TUBB8B: variants seen among roughly 807,000 people sequenced by gnomAD.
The protein encoded by TUBB8B is HSA18p11 beta-tubulin 4Q pseudogene.
Under a neutral mutation model 31.9 loss-of-function variants are expected in TUBB8B, and 26 were observed. That is an observed-to-expected ratio of 0.81 (90% CI 0.60 to 1.13). TUBB8B has a LOEUF of 1.13. Among genes scored for constraint, TUBB8B ranks in the 50% most tolerant of loss-of-function variants. The pLI, the probability that TUBB8B is intolerant of heterozygous loss-of-function variation, is 0.00. For synonymous variants in TUBB8B, 173 were observed against 231.0 expected, an observed-to-expected ratio of 0.75 and a Z score of 2.28; for missense variants, 467 against 586.7, an observed-to-expected ratio of 0.80 and a Z score of 2.11.
At chr18:57,121 T>C in the TUBB8B span, among the ~76,000 whole-genome samples, 1 of 151,808 alleles carries the variant, frequency 6.6e-6, no homozygotes, top group Non-Finnish European at 1.5e-5. Flanking sequence ...ACCTAAACTA[T>C]ATCATTTTGC....
At chr18:65,910 C>G in the TUBB8B span, among the ~76,000 whole-genome samples, 1 of 152,098 alleles carries the variant, frequency 6.6e-6, no homozygotes, top group Non-Finnish European at 1.5e-5. Flanking sequence ...ACACTAGCAA[C>G]AAACAACATG....
chr18:47,770 C>A lies in TUBB8B; in HGVS notation c.955G>T (p.Gly319Cys), dbSNP rs1905712733. Residue 319 changes from glycine to cysteine, a missense_variant, in exon 4 of 4, where the codon GGT (glycine) becomes TGT (cysteine). Physicochemically the swap from Gly to Cys is radical, Grantham distance 159. This residue lies in a region of TUBB8B where 208 missense variants were observed against 206.7 expected (regional missense o/e 1.01). Transcript: ENST00000308911. Reference protein sequence around the residue: ...CYLTVAAIFRGRMPMREVDEQ... With the variant: ...CYLTVAAIFRCRMPMREVDEQ... ...TCCACCTCCCTCATGGGCATGCGAC[C>A]CCTGAAAATGGCAGCCACCGTTAGG... 1 of 1,611,542 alleles carries A rather than the reference C, an allele frequency of 6.2e-7. No homozygotes were observed. Among genetic ancestry groups the A allele is most frequent in the Non-Finnish European group, 8.5e-7 (1 of 1,179,398 alleles).
intron 1 of TUBB8B, 118 bp downstream of exon 1, chr18:49,383 C>T (rs946389593): frequency 1.1e-5 from 9 of 798,272 alleles, no homozygotes; most frequent in African/African-American, 1.7e-5. Flanking sequence ...CCCGGTTCCA[C>T]CGTCCCCGGC....
upstream of TUBB8B, among the ~76,000 whole-genome samples, chr18:54,465 A>T (rs1293633289): frequency 2.6e-5 from 4 of 151,736 alleles, no homozygotes; most frequent in South Asian, 2.1e-4. Context: ...GTGCTATCAA[A>T]TACTGTCTTA....
chr18:49,916 C>G (rs1418259823), upstream of TUBB8B: 1 of 487,970 alleles, frequency 2.0e-6, no homozygotes, highest in Non-Finnish European at 4.0e-6. Context: ...TCCATATGCA[C>G]GGAGTGCCTT....
rs753017843 is a variant in TUBB8B at position 49,062 on chromosome 18, G to C, written c.167-12C>G. On this transcript the variant is annotated splice_polypyrimidine_tract_variant and intron_variant, in intron 2 of 3. Coordinates refer to ENST00000308911, the MANE Select transcript of TUBB8B (RefSeq NM_001358689.2). ...CACGTACCTGCCACCTGCGTGGGGC[G>C]GGAGGGCATGAGCGAGGGGAGGGCC... 6.3e-7 allele frequency: 1 copy of C among 1,577,338 alleles called. No homozygotes were observed. The highest frequency in any genetic ancestry group is 8.7e-7 in the Non-Finnish European group (1 of 1,150,862).
chr18:57,115 A>G, the TUBB8B span, among the ~76,000 whole-genome samples: 1 of 151,786 alleles, frequency 6.6e-6, no homozygotes, highest in Admixed American at 6.6e-5. Context: ...ACACACACCT[A>G]AACTATATCA....
At chr18:61,629 A>C in the TUBB8B span, among the ~76,000 whole-genome samples, 4 of 134,092 alleles carry the variant, frequency 3.0e-5, no homozygotes, top group South Asian at 4.8e-4. Context: ...TTTTTGATTT[A>C]AAATTACCAT....
chr18:65,195 G>C, the TUBB8B span, among the ~76,000 whole-genome samples: 3 of 152,008 alleles, frequency 2.0e-5, no homozygotes, highest in African/African-American at 7.3e-5. Context: ...TAGCTACTCA[G>C]GTGGCTGAGG....
chr18:51,279 T>A (rs972911921), upstream of TUBB8B, among the ~76,000 whole-genome samples: 2 of 151,942 alleles, frequency 1.3e-5, no homozygotes, highest in Non-Finnish European at 2.9e-5. Context: ...ACCTGTGACA[T>A]GCTTTGGCTG....
rs1568382172 is a variant in TUBB8B, at chr18:47,754, C to T, written c.971G>A (p.Arg324Lys). 1 of 1,611,356 alleles carries T rather than the reference C, an allele frequency of 6.2e-7. No homozygotes were observed. Among genetic ancestry groups the T allele is most frequent in the Non-Finnish European group, 8.5e-7 (1 of 1,179,034 alleles). The change falls in exon 4 of 4, where the codon AGG becomes AAG. Residue 324 changes from arginine to lysine, a missense_variant. Physicochemically the swap from Arg to Lys is conservative, Grantham distance 26 (BLOSUM62 2). Transcript: ENST00000308911. ...GTTGAACATTTGTTCATCCACCTCCCTCATGGGCATGCGACCCCTGAAAAT... is the reference window on the plus strand; with the variant it reads ...GTTGAACATTTGTTCATCCACCTCCTTCATGGGCATGCGACCCCTGAAAAT... ...AAIFRGRMPM[R>K]EVDEQMFNIQ...
chr18:54,111 C>A (rs202217749), upstream of TUBB8B, among the ~76,000 whole-genome samples: 1 of 151,766 alleles, frequency 6.6e-6, no homozygotes, highest in Admixed American at 6.6e-5. Flanking sequence ...AAATTAATTT[C>A]TAAGCCCCTA....
chr18:51,860 C>CT (rs945705945), upstream of TUBB8B, among the ~76,000 whole-genome samples: 9 of 151,816 alleles, frequency 5.9e-5, no homozygotes, highest in East Asian at 1.9e-4. Flanking sequence ...AATTAAACCT[C>CT]TTTTTTTATA....
At chr18:62,488 G>A in the TUBB8B span, among the ~76,000 whole-genome samples, 13 of 148,646 alleles carry the variant, frequency 8.7e-5, no homozygotes, top group Admixed American at 6.1e-4. Context: ...GCGTGATCTC[G>A]GCTCACTGGA....
At chr18:52,037 G>T (rs1484546839), upstream of TUBB8B, among the ~76,000 whole-genome samples, 7 of 151,572 alleles carry the variant, frequency 4.6e-5, no homozygotes, top group African/African-American at 1.7e-4. Context: ...TAGCAATAAG[G>T]CCTCACACTT....
chr18:66,185 C>T, the TUBB8B span, among the ~76,000 whole-genome samples: 14 of 152,254 alleles, frequency 9.2e-5, no homozygotes, highest in South Asian at 2.5e-3. Context: ...GCCACGTTCG[C>T]ACCACTGCAC....
upstream of TUBB8B, among the ~76,000 whole-genome samples, chr18:53,413 C>T (rs1432033771): frequency 6.6e-6 from 1 of 151,834 alleles, no homozygotes; most frequent in Non-Finnish European, 1.5e-5. Flanking sequence ...CAAGTTGACA[C>T]AGTTGATATG....
the TUBB8B span, among the ~76,000 whole-genome samples, chr18:57,376 A>G: frequency 1.3e-5 from 2 of 151,888 alleles, no homozygotes; most frequent in African/African-American, 4.8e-5. Context: ...AATCAGCTAA[A>G]AAAAAGAGGC....
the TUBB8B span, among the ~76,000 whole-genome samples, chr18:70,190 C>T: frequency 2.6e-5 from 4 of 152,134 alleles, no homozygotes. Context: ...AAAGGAGAAA[C>T]TTATTGAATC....
Sources: allele counts gnomAD v4.1 joint callset (sites outside exome capture counted in the v4.1 genomes callset), GRCh38; gene constraint gnomAD v4.1.1; regional missense constraint gnomAD v4.1.1; transcripts MANE v1.5; gene names NCBI Gene and HGNC (gene_info 2026-07-23, HGNC 2026-07-21).